MAST4: variants seen among roughly 807,000 people sequenced by gnomAD.
The protein encoded by MAST4 is microtubule associated serine/threonine kinase family member 4.
In MAST4, 89 loss-of-function variants were observed where a neutral mutation model predicts 162.7. The ratio of observed to expected loss-of-function variants is 0.55; its 90% CI spans 0.46 to 0.65. The LOEUF is 0.65. Among genes scored for constraint, MAST4 ranks in the 30% least tolerant of loss-of-function variants. MAST4 has a pLI of 0.00. For missense variants in MAST4, 3,153 were observed against 3,374.0 expected (o/e 0.93, Z 1.62); for synonymous variants, 1,479 against 1,361.1 (o/e 1.09, Z -1.91).
At chr5:66,912,879 C>G (rs1763868673) in intron 4 of MAST4, among the ~76,000 whole-genome samples, 1 of 152,116 alleles carries the variant, frequency 6.6e-6, no homozygotes, top group Admixed American at 6.5e-5. Flanking sequence ...CTTTCCCTCC[C>G]AACACACACC....
chr5:66,829,503 T>G (rs1757456418), intron 3 of MAST4, among the ~76,000 whole-genome samples: 1 of 152,196 alleles, frequency 6.6e-6, no homozygotes, highest in Non-Finnish European at 1.5e-5. Flanking sequence ...AGTTAAAACT[T>G]GGCAAATCAG....
Position 67,163,579 on chromosome 5 carries a change from G to T in MAST4, c.4400G>T (p.Ser1467Ile), listed in dbSNP as rs764349421. 1 of 1,594,606 alleles carries T rather than the reference G, an allele frequency of 6.3e-7. No individual in the cohort carries two copies. The highest frequency in any genetic ancestry group is 8.5e-7 in the Non-Finnish European group (1 of 1,171,140). Reference sequence around the variant, plus strand: ...AAGCACCTGTGCTCCCGCAAGCACAGCCTGGAGGTGACCCAAGAGGAGGTG... The same window carrying T: ...AAGCACCTGTGCTCCCGCAAGCACATCCTGGAGGTGACCCAAGAGGAGGTG... ...DKKHLCSRKH[S>I]LEVTQEEVQR... Residue 1467 changes from serine to isoleucine, a missense_variant, in exon 29 of 29, where the codon AGC becomes ATC. Coordinates refer to ENST00000403625, the MANE Select transcript of MAST4 (RefSeq NM_001164664.2). This position sits in a 1 kb window ranked among gnomAD's most constrained non-coding sequence, Gnocchi z 7.0.
chr5:67,028,607 T>C (rs1424702890), intron 4 of MAST4, among the ~76,000 whole-genome samples: 1 of 152,108 alleles, frequency 6.6e-6, no homozygotes, highest in East Asian at 1.9e-4. Context: ...ACTGAGTGAT[T>C]AGAGTGAAGA....
chr5:66,636,422 A>T (rs1745125840), intron 1 of MAST4, among the ~76,000 whole-genome samples: 1 of 152,218 alleles, frequency 6.6e-6, no homozygotes, highest in Non-Finnish European at 1.5e-5. Flanking sequence ...GTGCTTTGCA[A>T]TATAAGCTGA....
rs773305655 is a variant in MAST4, at chr5:67,166,225, CA to C, written c.7047del (p.Asp2350ThrfsTer51). 369 of 1,552,508 alleles carry C rather than the reference CA, an allele frequency of 2.4e-4. No individual in the cohort carries two copies. In the African/African-American group the frequency reaches 4.7e-3, roughly 20 times the overall value. ...VKDCPTLCKQ[T>X]DNRQTDKSPS... ...GATTGCCCCACCCTGTGCAAACAGA[CA>C]GACAACAGACAGACAGACAAAAGCC... On this transcript the variant is annotated frameshift_variant, in exon 29 of 29. Transcript: ENST00000403625. LOFTEE classifies it low-confidence loss of function (END_TRUNC).
Position 66,664,040 on chromosome 5 carries a change from T to TA in MAST4, c.363+67023dup, listed in dbSNP as rs1441462647. On this transcript the variant is annotated intron_variant, in intron 1 of 28. Transcript: ENST00000403625. ...AAGATTCGCTGATGGACTGGATGTGTAGGGTGTAAGAAAGAGAGGAGGTAC... is the reference window on the plus strand; with the variant it reads ...AAGATTCGCTGATGGACTGGATGTGTAAGGGTGTAAGAAAGAGAGGAGGTAC... 4.6e-5 allele frequency among the ~76,000 whole-genome samples: 7 copies of TA among 152,058 alleles called. 1 individual carries two copies. Among genetic ancestry groups the TA allele is most frequent in the Non-Finnish European group, 1.0e-4 (7 of 68,012 alleles).
intron 2 of MAST4, among the ~76,000 whole-genome samples, chr5:66,777,435 A>G (rs1246733629): frequency 6.6e-6 from 1 of 152,202 alleles, no homozygotes; most frequent in Non-Finnish European, 1.5e-5. Flanking sequence ...ATTGTACAGC[A>G]TGTTTATGGT....
In MAST4 at chr5:67,163,844, T is replaced by G; in HGVS notation, c.4665T>G (p.His1555Gln). The change falls in exon 29 of 29, where the codon CAT (histidine) becomes CAG (glutamine). Residue 1555 changes from histidine to glutamine, a missense_variant. By Grantham distance (24) the His-to-Gln change is conservative (BLOSUM62 0). This residue lies in a region of MAST4 where 1,644 missense variants were observed against 1,495.0 expected (regional missense o/e 1.10). Transcript: ENST00000403625. The surrounding 1 kb of genome is among the most constrained non-coding windows in gnomAD (Gnocchi z 7.0). ...PEKQESHQKS[H>Q]GPGSDLENFA... is the part of the protein sequence containing the mutation. The stretch of plus-strand genomic sequence containing the variant: ...AACAGGAATCCCACCAGAAATCCCA[T>G]GGACCCGGGAGTGATTTGGAAAACT... 1 of 1,613,740 alleles carries G rather than the reference T, an allele frequency of 6.2e-7. No individual in the cohort carries two copies. Among genetic ancestry groups the G allele is most frequent in the Non-Finnish European group, 8.5e-7 (1 of 1,179,776 alleles).
intron 26 of MAST4, among the ~76,000 whole-genome samples, chr5:67,158,186 A>T (rs1459519416): frequency 1.3e-5 from 2 of 152,224 alleles, no homozygotes; most frequent in African/African-American, 2.4e-5. Context: ...GGTAGACCTT[A>T]CATACTTACA....
chr5:66,612,394 C>T (rs189551211), intron 1 of MAST4, among the ~76,000 whole-genome samples: 48 of 152,226 alleles, frequency 3.2e-4, no homozygotes, highest in African/African-American at 1.1e-3. Flanking sequence ...TTTGGGACTC[C>T]CCCGAGTACC....
In MAST4 at chr5:66,929,406, A is replaced by C. The variant is rs540634231; in HGVS notation, c.674+29424A>C. Among the ~76,000 whole-genome samples, 5 of 152,212 alleles carry C rather than the reference A, an allele frequency of 3.3e-5. No individual in the cohort carries two copies. In the South Asian group the frequency reaches 1.0e-3, roughly 32 times the overall value. On this transcript the variant is annotated intron_variant, in intron 4 of 28. Transcript: ENST00000403625. ...CCGACATTGAGAGAAAATCTTCTTC[A>C]CTTAGTTCATGGACTCATATGTCAA...
At chr5:66,606,902 A>G (rs1290321277) in intron 1 of MAST4, among the ~76,000 whole-genome samples, 2 of 152,178 alleles carry the variant, frequency 1.3e-5, no homozygotes, top group Non-Finnish European at 2.9e-5. Flanking sequence ...TTTAAATATT[A>G]AATGAGTATA....
At chr5:66,977,335 A>C (rs1478253954) in intron 4 of MAST4, among the ~76,000 whole-genome samples, 1 of 152,096 alleles carries the variant, frequency 6.6e-6, no homozygotes, top group Non-Finnish European at 1.5e-5. Context: ...TCCCAACCTC[A>C]GGTGATCCAC....
chr5:67,102,697 G>C, intron 9 of MAST4, 86 bp downstream of exon 9: 1 of 1,027,274 alleles, frequency 9.7e-7, no homozygotes, highest in Non-Finnish European at 1.5e-6. Flanking sequence ...GTTATAGGAA[G>C]TAAGGGTCCA....
At chr5:66,880,367 T>G (rs554617180) in intron 3 of MAST4, among the ~76,000 whole-genome samples, 1 of 152,296 alleles carries the variant, frequency 6.6e-6, no homozygotes, top group African/African-American at 2.4e-5. Context: ...GGGACTAGGA[T>G]GGAAAGGAGT....
At chr5:66,887,058 A>G (rs1762086924) in intron 3 of MAST4, among the ~76,000 whole-genome samples, 1 of 151,858 alleles carries the variant, frequency 6.6e-6, no homozygotes, top group Non-Finnish European at 1.5e-5. Context: ...TTTTAAAAAC[A>G]AAAACAAAAA....
chr5:66,876,772 G>A (rs1761329488), intron 3 of MAST4, among the ~76,000 whole-genome samples: 3 of 152,162 alleles, frequency 2.0e-5, no homozygotes, highest in Admixed American at 1.3e-4. Flanking sequence ...TTGGAGCATT[G>A]TCATGACAGA....
At chr5:66,804,982 TGTTA>T (rs1321070615) in intron 3 of MAST4, among the ~76,000 whole-genome samples, 4 of 152,198 alleles carry the variant, frequency 2.6e-5, no homozygotes, top group African/African-American at 7.2e-5. Context: ...TCTCTCACTT[TGTTA>T]GTTTTTCCAG....
intron 19 of MAST4, among the ~76,000 whole-genome samples, chr5:67,137,161 T>G (rs1489309490): frequency 6.6e-6 from 1 of 152,208 alleles, no homozygotes; most frequent in Non-Finnish European, 1.5e-5. Flanking sequence ...GTGTCTGGGG[T>G]TGAACCATGC....
Sources: gnomAD v4.1 joint callset for allele counts (sites outside exome capture counted in the v4.1 genomes callset) on GRCh38, gnomAD v4.1.1 for gene constraint, gnomAD v4.1.1 regional missense constraint, Gnocchi (gnomAD v3.1) non-coding constraint, MANE v1.5 for transcripts, NCBI Gene and HGNC (gene_info 2026-07-23, HGNC 2026-07-21) for gene names.